The following CSMD2 variants were observed in gnomAD, a reference collection of about 807,000 sequenced individuals.
CSMD2 encodes the protein CUB and sushi domain-containing protein 2.
Under a neutral mutation model 398.5 loss-of-function variants are expected in CSMD2, and 130 were observed. The observed-to-expected ratio is 0.33, with a 90% CI of 0.28 to 0.38. CSMD2 has a LOEUF of 0.38. Among genes scored for constraint, CSMD2 ranks in the 10% least tolerant of loss-of-function variants. The pLI is 1.00. For missense variants in CSMD2, 3,829 were observed against 4,764.9 expected, an observed-to-expected ratio of 0.80 and a Z score of 5.78; for synonymous variants, 1,828 against 1,908.5, an observed-to-expected ratio of 0.96 and a Z score of 1.10.
At chr1:33,752,769 G>C (rs1648438484) in intron 13 of CSMD2, among the ~76,000 whole-genome samples, 1 of 152,190 alleles carries the variant, frequency 6.6e-6, no homozygotes, top group African/African-American at 2.4e-5. Context: ...AATGCTGATA[G>C]AAATAGGGAC....
At chr1:34,090,673 C>T (rs937115494) in intron 1 of CSMD2, among the ~76,000 whole-genome samples, 3 of 152,148 alleles carry the variant, frequency 2.0e-5, no homozygotes, top group Non-Finnish European at 2.9e-5. Context: ...TCTGTCCCCA[C>T]CCTACACCAA....
intron 64 of CSMD2, among the ~76,000 whole-genome samples, chr1:33,532,750 A>G (rs749026045): frequency 5.9e-4 from 90 of 152,248 alleles, no homozygotes; most frequent in Non-Finnish European, 1.1e-3. Context: ...AGGGTGCAAT[A>G]TGTGTAATGC....
At chr1:34,067,261 G>C (rs1447181820) in intron 2 of CSMD2, among the ~76,000 whole-genome samples, 1 of 152,188 alleles carries the variant, frequency 6.6e-6, no homozygotes, top group Non-Finnish European at 1.5e-5. Flanking sequence ...ATAAAAGTAG[G>C]ATTAAGACAA....
rs1400637974 is a variant in CSMD2 at position 33,546,054 on chromosome 1, G to A, written c.9083C>T (p.Ser3028Leu). Residue 3028 changes from serine to leucine, a missense_variant, in exon 57 of 71, where the codon TCG becomes TTG. Around this residue, in one of 5 missense-constraint regions of CSMD2, gnomAD observed 917 missense variants for 1,199.5 expected, o/e 0.76. Transcript: ENST00000373381. Reference protein sequence around the residue: ...TCQANGSWSGSQPECGVISCG... With the variant: ...TCQANGSWSGLQPECGVISCG... ...TACATTACCTCCACACTCAGGCTGC[G>A]AGCCGCTCCACGAGCCATTGGCTTG... is the stretch of plus-strand genomic sequence containing the variant. 2.5e-6 allele frequency: 4 copies of A among 1,613,244 alleles called. No individual in the cohort carries two copies. Among genetic ancestry groups the A allele is most frequent in the African/African-American group, 2.7e-5 (2 of 74,884 alleles).
intron 6 of CSMD2, among the ~76,000 whole-genome samples, chr1:33,831,039 T>C (rs1659490387): frequency 6.6e-6 from 1 of 152,184 alleles, no homozygotes; most frequent in Admixed American, 6.5e-5. Flanking sequence ...GTCTGATTGG[T>C]GTACCTGAAA....
At chr1:33,684,699 C>T (rs537607908) in intron 25 of CSMD2, among the ~76,000 whole-genome samples, 2 of 152,304 alleles carry the variant, frequency 1.3e-5, no homozygotes, top group East Asian at 1.9e-4. Flanking sequence ...ATATCTTCCT[C>T]CCTTTCACAT....
chr1:33,736,536 C>T (rs964572399), intron 15 of CSMD2, among the ~76,000 whole-genome samples: 1 of 152,152 alleles, frequency 6.6e-6, no homozygotes, highest in Non-Finnish European at 1.5e-5. Context: ...GTCAAATTAT[C>T]TCATGTGTTC....
chr1:33,839,311 T>C (rs1230999675), intron 6 of CSMD2: 1 of 152,232 alleles, frequency 6.6e-6, no homozygotes, highest in Non-Finnish European at 1.5e-5. Flanking sequence ...GCTCTCAGTA[T>C]GATCATTTAA....
rs1571261421 is a variant in CSMD2 at position 34,146,154 on chromosome 1, C to T, written c.187+18757G>A. On this transcript the variant is annotated intron_variant, in intron 1 of 70. Coordinates refer to ENST00000373381, the MANE Select transcript of CSMD2 (RefSeq NM_001281956.2). Reference sequence around the variant, plus strand: ...GCTCAAGTGAATCTCCCACCTCAGCCTCCCGAGTCACCAGGATTACAGGAA... The same window carrying T: ...GCTCAAGTGAATCTCCCACCTCAGCTTCCCGAGTCACCAGGATTACAGGAA... Among the ~76,000 whole-genome samples the T allele has an allele frequency of 2.0e-5, 3 of 152,326 alleles. No individual in the cohort carries two copies. The South Asian group carries it at 6.2e-4, about 32-fold the overall frequency.
intron 12 of CSMD2, among the ~76,000 whole-genome samples, chr1:33,783,470 T>TCTCTCTCTCC: frequency 8.2e-6 from 1 of 122,630 alleles, no homozygotes; most frequent in Middle Eastern, 4.2e-3. Flanking sequence ...TCTCTCTCTC[T>TCTCTCTCTCC]CTCTCCTGTG....
chr1:33,744,176 T>C (rs1647189074), intron 13 of CSMD2, among the ~76,000 whole-genome samples: 11 of 152,212 alleles, frequency 7.2e-5, no homozygotes, highest in Admixed American at 7.2e-4. Context: ...TCACAGTCCC[T>C]GACCCCTCTC....
intron 2 of CSMD2, among the ~76,000 whole-genome samples, chr1:34,076,282 C>G (rs1168898614): frequency 1.3e-5 from 2 of 152,220 alleles, no homozygotes; most frequent in Non-Finnish European, 2.9e-5. Context: ...GGTTGACTCA[C>G]TTGCCCAAGT....
chr1:33,827,478 A>C (rs1234947337), intron 6 of CSMD2, among the ~76,000 whole-genome samples: 2 of 152,184 alleles, frequency 1.3e-5, no homozygotes, highest in African/African-American at 4.8e-5. Context: ...GTGTTTGTGC[A>C]AACACCATTT....
chr1:33,790,595 T>C (rs1367213020), intron 11 of CSMD2, among the ~76,000 whole-genome samples: 2 of 152,204 alleles, frequency 1.3e-5, no homozygotes, highest in East Asian at 3.9e-4. Context: ...TTGGGACCTG[T>C]CAGTCTCCCA....
rs959852430 is a variant in CSMD2, at chr1:33,559,836, G to T, written c.8381-363C>A. ...TTGCTGGGTATACTGATGGCCAACT[G>T]TCAGCTGGTTTAGGCCCATCCTCAT... On this transcript the variant is annotated intron_variant, in intron 53 of 70. Transcript: ENST00000373381. This position sits in a 1 kb window ranked among gnomAD's most constrained non-coding sequence, Gnocchi z 4.0. Among the ~76,000 whole-genome samples, 1 of 152,088 alleles carries T rather than the reference G, an allele frequency of 6.6e-6. No individual in the cohort carries two copies. Among genetic ancestry groups the T allele is most frequent in the Non-Finnish European group, 1.5e-5 (1 of 68,016 alleles).
chr1:34,038,740 G>A (rs182986296), intron 2 of CSMD2, among the ~76,000 whole-genome samples: 1 of 152,310 alleles, frequency 6.6e-6, no homozygotes, highest in Non-Finnish European at 1.5e-5. Flanking sequence ...AAAGGAAGTG[G>A]TCAGCCCAAA....
chr1:33,736,051 C>T (rs2149236109), intron 15 of CSMD2, among the ~76,000 whole-genome samples: 1 of 152,326 alleles, frequency 6.6e-6, no homozygotes, highest in Non-Finnish European at 1.5e-5. Flanking sequence ...GAAAACCAGG[C>T]TGGCATCAAA....
intron 1 of CSMD2, among the ~76,000 whole-genome samples, chr1:34,098,646 T>C (rs1328321293): frequency 2.6e-5 from 4 of 151,068 alleles, no homozygotes; most frequent in African/African-American, 7.4e-5. Context: ...AATGGAAATA[T>C]GTATCAGGCA....
chr1:34,065,053 G>A (rs1478653200), intron 2 of CSMD2, among the ~76,000 whole-genome samples: 4 of 152,188 alleles, frequency 2.6e-5, no homozygotes, highest in Non-Finnish European at 5.9e-5. Flanking sequence ...AATTATGGGA[G>A]TATAATTCAA....
Sources: gnomAD v4.1 joint callset for allele counts (sites outside exome capture counted in the v4.1 genomes callset) on GRCh38, gnomAD v4.1.1 for gene constraint, gnomAD v4.1.1 regional missense constraint, Gnocchi (gnomAD v3.1) non-coding constraint, MANE v1.5 for transcripts, NCBI Gene and HGNC (gene_info 2026-07-23, HGNC 2026-07-21) for gene names.